Variants in SLC25A41 observed in about 807,000 individuals in gnomAD.
The protein encoded by SLC25A41 is mitochondrial carrier protein SCaMC-3L.
SLC25A41 carries 35 observed loss-of-function variants against 34.7 expected under a neutral mutation model. The ratio of observed to expected loss-of-function variants is 1.01; its 90% CI spans 0.77 to 1.34. The LOEUF (loss-of-function observed/expected upper bound fraction) is 1.34, where lower values mean the gene tolerates loss of function less well. Ranked by LOEUF, SLC25A41 falls within the 40% of genes most tolerant of loss-of-function variation. The pLI is 0.00. For missense variants in SLC25A41, 492 were observed against 489.8 expected, an observed-to-expected ratio of 1.00 and a Z score of -0.04; for synonymous variants, 190 against 209.9, an observed-to-expected ratio of 0.91 and a Z score of 0.82.
chr19:6,427,111 T>G lies in SLC25A41; in HGVS notation c.932A>C (p.Gln311Pro). 6.2e-7 allele frequency: 1 copy of G among 1,601,902 alleles called. No homozygotes were observed. Among genetic ancestry groups the G allele is most frequent in the South Asian group, 1.1e-5 (1 of 89,276 alleles). ...GCTGGGGACAGGCTGACCTTGGGCC[T>G]GCATCCTGGTGCGCACCAGAGTCAG... ...YPLTLVRTRM[Q>P]AQDTVEGSNP... Residue 311 changes from glutamine to proline, a missense_variant, in exon 6 of 7, where the codon CAG becomes CCG. By Grantham distance (76) the Gln-to-Pro change is moderately conservative (BLOSUM62 -1). Transcript: ENST00000321510. This position sits in a 1 kb window ranked among gnomAD's most constrained non-coding sequence, Gnocchi z 4.9.
chr19:6,429,044 ATATATTATATATATG>A lies in SLC25A41; in HGVS notation c.624+665_624+679del, dbSNP rs1568349330. On this transcript the variant is annotated intron_variant, in intron 4 of 6. Transcript: ENST00000321510. ...AAATTTATATATATATATATAATAT[ATATATTATATATATG>A]TTATATATATATATAATATATATAT... 1.7e-3 allele frequency among the ~76,000 whole-genome samples: 84 copies of A among 49,858 alleles called. 15 individuals carry two copies. The highest frequency in any genetic ancestry group is 0.011 in the African/African-American group (80 of 7,312). 32.7% of individuals were successfully genotyped at this position (49,858 alleles called of 152,430 possible). A position where few individuals can be genotyped will look rare whatever the true frequency, so the allele number is the denominator to read the frequency against.
intron 4 of SLC25A41, among the ~76,000 whole-genome samples, chr19:6,428,434 G>A (rs1295035364): frequency 6.8e-6 from 1 of 147,106 alleles, no homozygotes; most frequent in African/African-American, 2.5e-5. Context: ...AAGAAAAAAA[G>A]GAGGGTTTCC....
chr19:6,429,425 G>A (rs118132401), intron 4 of SLC25A41, among the ~76,000 whole-genome samples: 5,050 of 42,406 alleles, frequency 0.12, 860 homozygotes, highest in Admixed American at 0.35. Flanking sequence ...GAGGAGAAGG[G>A]AGAAAGGAGG....
chr19:6,430,269 C>T, intron 2 of SLC25A41, 108 bp from the exon 3 acceptor site: 1 of 1,209,076 alleles, frequency 8.3e-7, no homozygotes, highest in Non-Finnish European at 1.1e-6. Flanking sequence ...CCAACCCCAA[C>T]CCATCCCCAT....
In SLC25A41 at chr19:6,426,374, C is replaced by G. The variant is rs775723997; in HGVS notation, c.*15G>C. On this transcript the variant is annotated 3_prime_UTR_variant, in exon 7 of 7. Transcript: ENST00000321510. ...TGTCCCATTTCTGCCTAGGCTGTGT[C>G]GTCCAGCTCACAGCCTATATGCCCA... 7.5e-6 allele frequency: 12 copies of G among 1,607,510 alleles called. No homozygotes were observed. The highest frequency in any genetic ancestry group is 1.3e-5 in the African/African-American group (1 of 74,870).
chr19:6,431,996 T>C, intron 2 of SLC25A41, 53 bp downstream of exon 2: 1 of 1,568,206 alleles, frequency 6.4e-7, no homozygotes, highest in Non-Finnish European at 8.6e-7. Flanking sequence ...CACCCCACGT[T>C]CTCCCCAGTG....
Position 6,429,036 on chromosome 19 carries a change from TATA to T in SLC25A41, c.624+685_624+687del, listed in dbSNP as rs1278475702. Among the ~76,000 whole-genome samples, 72 of 39,758 alleles carry T rather than the reference TATA, an allele frequency of 1.8e-3. 10 individuals are homozygous for T. Among genetic ancestry groups the T allele is most frequent in the African/African-American group, 7.8e-3 (36 of 4,638 alleles). 26.1% of individuals were successfully genotyped at this position (39,758 alleles called of 152,430 possible). ...TGGCCTGAAAATTTATATATATATA[TATA>T]ATATATATATTATATATATGTTATA... On this transcript the variant is annotated intron_variant, in intron 4 of 6. Transcript: ENST00000321510.
At chr19:6,434,441 GGAA>G (rs1452888836), upstream of SLC25A41, among the ~76,000 whole-genome samples, 4 of 152,180 alleles carry the variant, frequency 2.6e-5, no homozygotes, top group Admixed American at 6.6e-5. Context: ...AGGCATGGCA[GGAA>G]GAAATCCCTC....
intron 4 of SLC25A41, among the ~76,000 whole-genome samples, chr19:6,429,060 T>TATCATATATATA (rs1491446894): frequency 9.0e-5 from 1 of 11,152 alleles, no homozygotes; most frequent in African/African-American, 3.3e-4. Context: ...TATATATATG[T>TATCATATATATA]TATATATATA....
In SLC25A41 at chr19:6,427,083, G is replaced by T. The variant is rs1260788405; in HGVS notation, c.940+20C>A. On this transcript the variant is annotated intron_variant, in intron 6 of 6. Transcript: ENST00000321510. The surrounding 1 kb of genome is among the most constrained non-coding windows in gnomAD (Gnocchi z 4.9). ...GGGCGGGGAAGGGGCATGCGTGGTG[G>T]CCGCTGGGGACAGGCTGACCTTGGG... is the stretch of plus-strand genomic sequence containing the variant. The T allele has an allele frequency of 6.3e-7, 1 of 1,582,296 alleles. No homozygotes were observed. The highest frequency in any genetic ancestry group is 2.3e-5 in the East Asian group (1 of 43,320).
Position 6,426,407 on chromosome 19 carries a change from C to T in SLC25A41, c.1095G>A (p.Lys365=). ...GISYVVYEAM[K]KTLGI ...TCACAGCCTATATGCCCAGGGTTTT[C>T]TTCATGGCTTCGTACACCACATAGC... Residue 365 remains lysine, a synonymous_variant, in exon 7 of 7, where the codon AAG becomes AAA. Transcript: ENST00000321510. The T allele has an allele frequency of 2.5e-6, 4 of 1,613,714 alleles. No individual in the cohort carries two copies. The highest frequency in any genetic ancestry group is 3.4e-6 in the Non-Finnish European group (4 of 1,179,710).
chr19:6,431,075 C>G (rs2092283734), intron 2 of SLC25A41, among the ~76,000 whole-genome samples: 1 of 151,848 alleles, frequency 6.6e-6, no homozygotes, highest in Non-Finnish European at 1.5e-5. Flanking sequence ...TTTGGCCTCC[C>G]AAAGTGCTGG....
chr19:6,430,225 C>G, intron 2 of SLC25A41, 64 bp from the exon 3 acceptor site: 1 of 1,504,230 alleles, frequency 6.6e-7, no homozygotes, highest in East Asian at 2.4e-5. Flanking sequence ...CATCCCTGCC[C>G]CAAGCGCAGC....
chr19:6,428,425 A>AG (rs2092254171), intron 4 of SLC25A41, among the ~76,000 whole-genome samples: 1 of 148,806 alleles, frequency 6.7e-6, no homozygotes, highest in Non-Finnish European at 1.5e-5. Flanking sequence ...AGAAAAAGAA[A>AG]GAAAAAAAGG....
In SLC25A41 at chr19:6,432,145, C is replaced by G. The variant is rs762722061; in HGVS notation, c.267G>C (p.Lys89Asn). The G allele has an allele frequency of 6.2e-7, 1 of 1,613,894 alleles. No homozygotes were observed. Among genetic ancestry groups the G allele is most frequent in the Middle Eastern group, 1.6e-4 (1 of 6,062 alleles). Residue 89 changes from lysine to asparagine, a missense_variant, in exon 2 of 7, where the codon AAG (lysine) becomes AAC (asparagine). Coordinates refer to ENST00000321510, the MANE Select transcript of SLC25A41 (RefSeq NM_173637.4). ...VPVEVLEVDN[K>N]EALWKFLLSG... The stretch of plus-strand genomic sequence containing the variant: ...AGAGTAGAAACTTCCACAAGGCCTC[C>G]TTGTTATCCACTTCCAGGACTTCCA...
At chr19:6,431,518 C>A (rs2092285429) in intron 2 of SLC25A41, among the ~76,000 whole-genome samples, 1 of 151,924 alleles carries the variant, frequency 6.6e-6, no homozygotes, top group Non-Finnish European at 1.5e-5. Flanking sequence ...CGGCTCACTG[C>A]AACCTCCATC....
At chr19:6,432,473 ATTTTTTTTTTTTTT>A (rs34519561) in intron 1 of SLC25A41, among the ~76,000 whole-genome samples, 5 of 80,978 alleles carry the variant, frequency 6.2e-5, no homozygotes, top group Non-Finnish European at 8.8e-5. Flanking sequence ...ACAACACCTA[ATTTTTTTTTTTTTT>A]TTTTTTTTTT....
Position 6,431,954 on chromosome 19 carries a change from T to C in SLC25A41, c.363+95A>G, listed in dbSNP as rs577067722. ...CCAACTCCAGCCAGCACTCCTATCC[T>C]GAACTCCATCCACGTCAACTCCATC... On this transcript the variant is annotated intron_variant, in intron 2 of 6. Coordinates refer to ENST00000321510, the MANE Select transcript of SLC25A41 (RefSeq NM_173637.4). 38 of 1,471,772 alleles carry C rather than the reference T, an allele frequency of 2.6e-5. No homozygotes were observed. The East Asian group carries it at 9.0e-4, about 35-fold the overall frequency. The allele number at this position is 1,471,772 out of a possible 1,614,324, so 91.2% of individuals were successfully genotyped here. A position where few individuals can be genotyped will look rare whatever the true frequency, so the allele number is the denominator to read the frequency against.
upstream of SLC25A41, among the ~76,000 whole-genome samples, chr19:6,435,877 C>G (rs1359591193): frequency 1.3e-5 from 2 of 151,154 alleles, no homozygotes; most frequent in African/African-American, 2.4e-5. Context: ...AAAAAGTAGT[C>G]AGGCATGGTG....
Sources: allele counts gnomAD v4.1 joint callset (sites outside exome capture counted in the v4.1 genomes callset), GRCh38; gene constraint gnomAD v4.1.1; non-coding constraint Gnocchi (gnomAD v3.1); transcripts MANE v1.5; gene names NCBI Gene and HGNC (gene_info 2026-07-23, HGNC 2026-07-21).